PTPRK: variants seen among roughly 807,000 people sequenced by gnomAD.
PTPRK encodes receptor-type tyrosine-protein phosphatase kappa.
In PTPRK, 75 loss-of-function variants were observed where a neutral mutation model predicts 178.0. The observed-to-expected ratio is 0.42, with a 90% CI of 0.35 to 0.51. The LOEUF (loss-of-function observed/expected upper bound fraction) is 0.51, where lower values mean the gene tolerates loss of function less well. Ranked by LOEUF, PTPRK falls within the 20% of genes least tolerant of loss-of-function variation. The pLI, the probability that PTPRK is intolerant of heterozygous loss-of-function variation, is 0.02. For missense variants in PTPRK, 1,441 were observed against 1,797.8 expected, an observed-to-expected ratio of 0.80 and a Z score of 3.59; for synonymous variants, 637 against 620.6, an observed-to-expected ratio of 1.03 and a Z score of -0.39.
intron 3 of PTPRK, among the ~76,000 whole-genome samples, chr6:128,314,929 G>C (rs1366860648): frequency 6.6e-6 from 1 of 151,190 alleles, no homozygotes; most frequent in Non-Finnish European, 1.5e-5. Context: ...CAATTATTTG[G>C]TTCTCTTTAT....
intron 7 of PTPRK, among the ~76,000 whole-genome samples, chr6:128,132,227 T>G (rs1321887150): frequency 6.6e-6 from 1 of 152,142 alleles, no homozygotes; most frequent in East Asian, 1.9e-4. Flanking sequence ...CAGGCTGGAG[T>G]GCAGTGGCGC....
At chr6:128,513,877 G>A (rs926468111) in intron 1 of PTPRK, among the ~76,000 whole-genome samples, 1 of 152,132 alleles carries the variant, frequency 6.6e-6, no homozygotes, top group Non-Finnish European at 1.5e-5. Context: ...ATCAATCCCT[G>A]GGTGGGTAGT....
At chr6:128,350,096 A>G (rs961665839) in intron 2 of PTPRK, among the ~76,000 whole-genome samples, 1 of 152,166 alleles carries the variant, frequency 6.6e-6, no homozygotes, top group African/African-American at 2.4e-5. Flanking sequence ...GGACTGATAC[A>G]TGCATTCACT....
intron 13 of PTPRK, among the ~76,000 whole-genome samples, chr6:128,024,710 T>C (rs1315028654): frequency 6.6e-6 from 1 of 152,036 alleles, no homozygotes; most frequent in Non-Finnish European, 1.5e-5. Flanking sequence ...CCTGGGAGGC[T>C]GAGACAGGAG....
At chr6:128,055,541 CT>C (rs1779743947) in intron 13 of PTPRK, among the ~76,000 whole-genome samples, 5 of 151,676 alleles carry the variant, frequency 3.3e-5, no homozygotes, top group African/African-American at 7.3e-5. Flanking sequence ...TTCTTAATGT[CT>C]TTGTATTCGC....
At chr6:128,231,915 C>T (rs1812364334) in intron 5 of PTPRK, among the ~76,000 whole-genome samples, 1 of 152,160 alleles carries the variant, frequency 6.6e-6, no homozygotes. Context: ...GGCCCAAAAT[C>T]GTTTTGTTTC....
chr6:128,183,504 GT>G, intron 7 of PTPRK, among the ~76,000 whole-genome samples: 1 of 152,240 alleles, frequency 6.6e-6, no homozygotes, highest in East Asian at 1.9e-4. Flanking sequence ...TTCAGCAGGA[GT>G]TTTTGATATA....
intron 3 of PTPRK, among the ~76,000 whole-genome samples, chr6:128,262,082 A>T (rs780664455): frequency 6.6e-6 from 1 of 152,192 alleles, no homozygotes; most frequent in Non-Finnish European, 1.5e-5. Context: ...GGATCAGGCA[A>T]TGCTGTATGG....
chr6:128,030,930 GCAAATATTTAT>G (rs1775219969), intron 13 of PTPRK, among the ~76,000 whole-genome samples: 1 of 151,968 alleles, frequency 6.6e-6, no homozygotes, highest in Non-Finnish European at 1.5e-5. Flanking sequence ...TTTTTCCCCA[GCAAATATTTAT>G]TAGACACTTA....
At chr6:128,441,336 A>G (rs1846254017) in intron 1 of PTPRK, among the ~76,000 whole-genome samples, 1 of 152,174 alleles carries the variant, frequency 6.6e-6, no homozygotes, top group Non-Finnish European at 1.5e-5. Flanking sequence ...AAAAAACATG[A>G]AGTGAAATGG....
At chr6:128,355,235 G>A (rs1482034775) in intron 2 of PTPRK, among the ~76,000 whole-genome samples, 1 of 152,176 alleles carries the variant, frequency 6.6e-6, no homozygotes, top group East Asian at 1.9e-4. Context: ...CAGTAATTAT[G>A]CAACGTCCAA....
intron 11 of PTPRK, among the ~76,000 whole-genome samples, chr6:128,074,482 C>G (rs763281303): frequency 6.6e-6 from 1 of 151,768 alleles, no homozygotes; most frequent in Non-Finnish European, 1.5e-5. Context: ...TACGAAGAAA[C>G]CTTTTAGAAA....
At chr6:128,452,414 T>C (rs118096882) in intron 1 of PTPRK, among the ~76,000 whole-genome samples, 4,459 of 152,266 alleles carry the variant, frequency 0.029, 88 homozygotes, top group Non-Finnish European at 0.042. Flanking sequence ...ATGCATTACA[T>C]TCTCTTTATA....
intron 7 of PTPRK, among the ~76,000 whole-genome samples, chr6:128,150,781 G>A (rs1467564952): frequency 1.3e-5 from 2 of 152,056 alleles, no homozygotes; most frequent in African/African-American, 4.8e-5. Context: ...GTCAAATCCT[G>A]GCTCTATCTA....
At chr6:127,996,739 G>T (rs1031153362) in intron 17 of PTPRK, among the ~76,000 whole-genome samples, 162 bp downstream of exon 17, 1 of 152,096 alleles carries the variant, frequency 6.6e-6, no homozygotes, top group Non-Finnish European at 1.5e-5. Flanking sequence ...CCAAAGTGCT[G>T]GGATTACAGG....
At chr6:128,503,535 G>C (rs1198283076) in intron 1 of PTPRK, among the ~76,000 whole-genome samples, 1 of 152,138 alleles carries the variant, frequency 6.6e-6, no homozygotes, top group Non-Finnish European at 1.5e-5. Flanking sequence ...TTTGCCCTCT[G>C]TGCTATATAC....
chr6:128,299,744 C>T (rs1307182322), intron 3 of PTPRK, among the ~76,000 whole-genome samples: 10 of 152,160 alleles, frequency 6.6e-5, no homozygotes, highest in Middle Eastern at 3.4e-3. Context: ...AAGACTTAAA[C>T]GTTAGACCTA....
intron 28 of PTPRK, 48 bp from the exon 29 acceptor site, chr6:127,973,205 C>A (rs1484183736): frequency 1.2e-6 from 2 of 1,610,520 alleles, no homozygotes; most frequent in African/African-American, 1.3e-5. Flanking sequence ...CACCAAGTGA[C>A]CACAGGTCAC....
chr6:128,305,864 G>A (rs1826297769), intron 3 of PTPRK, among the ~76,000 whole-genome samples: 3 of 152,184 alleles, frequency 2.0e-5, no homozygotes. Flanking sequence ...TTATATGCTA[G>A]CTATTATGAT....
Sources: gnomAD v4.1 joint callset for allele counts (sites outside exome capture counted in the v4.1 genomes callset) on GRCh38, gnomAD v4.1.1 for gene constraint, MANE v1.5 for transcripts, NCBI Gene and HGNC (gene_info 2026-07-23, HGNC 2026-07-21) for gene names.